The following SLAIN1 variants were observed in gnomAD, a reference collection of about 807,000 sequenced individuals.
SLAIN1 encodes the protein SLAIN motif-containing protein 1.
A neutral mutation model predicts 55.4 loss-of-function variants in SLAIN1; 17 were observed. That is an observed-to-expected ratio of 0.31 (90% CI 0.21 to 0.46). SLAIN1 has a LOEUF of 0.46. SLAIN1 is among the 20% of genes least tolerant of loss of function. The probability of loss-of-function intolerance (pLI) is 1.00; values close to 1 mark genes in which losing one functional copy is unlikely to be tolerated. For synonymous variants in SLAIN1, 348 were observed against 337.4 expected (o/e 1.03, Z -0.35); for missense variants, 682 against 785.1 (o/e 0.87, Z 1.57).
chr13:77,754,893 G>A (rs1874489475), intron 5 of SLAIN1, among the ~76,000 whole-genome samples: 1 of 152,164 alleles, frequency 6.6e-6, no homozygotes, highest in Admixed American at 6.5e-5. Context: ...ATGCTTGAAT[G>A]AATGCCACAG....
At position 77,744,615 on chromosome 13, in the gene SLAIN1, A is replaced by G. The variant is rs1009567601; in HGVS notation, c.916+183A>G. On this transcript the variant is annotated intron_variant, in intron 3 of 6. Transcript: ENST00000418532. ...ACACTATCATGAGGTGGTAGGACTT[A>G]GTCTGATGAAAACACATTGATACAT... 6 of 841,366 alleles carry G rather than the reference A, an allele frequency of 7.1e-6. No individual in the cohort carries two copies. The East Asian group carries it at 1.3e-4, about 19-fold the overall frequency. 52.1% of individuals were successfully genotyped at this position (841,366 alleles called of 1,614,324 possible).
At chr13:77,719,707 C>CT in intron 2 of SLAIN1, 36 bp downstream of exon 2, 1 of 1,603,578 alleles carries the variant, frequency 6.2e-7, no homozygotes, top group South Asian at 1.1e-5. Context: ...TTCTCCAACT[C>CT]TTGTCACTCT....
At chr13:77,750,460 A>T (rs1221513140) in intron 4 of SLAIN1, among the ~76,000 whole-genome samples, 1 of 152,118 alleles carries the variant, frequency 6.6e-6, no homozygotes, top group East Asian at 1.9e-4. Flanking sequence ...TTTTTACACC[A>T]GTTTTTGTAA....
intron 2 of SLAIN1, among the ~76,000 whole-genome samples, chr13:77,742,531 A>C (rs938228938): frequency 1.3e-5 from 2 of 151,984 alleles, no homozygotes; most frequent in African/African-American, 4.8e-5. Flanking sequence ...ATTTACATAA[A>C]ATGTTTTTTA....
chr13:77,704,204 A>ATG (rs2091067174), intron 1 of SLAIN1, among the ~76,000 whole-genome samples: 1 of 136,440 alleles, frequency 7.3e-6, no homozygotes, highest in Non-Finnish European at 1.6e-5. Context: ...TAGAAAATAT[A>ATG]TATACATATG....
intron 2 of SLAIN1, among the ~76,000 whole-genome samples, chr13:77,725,840 G>A (rs1039049760): frequency 2.0e-5 from 3 of 152,162 alleles, no homozygotes; most frequent in African/African-American, 7.2e-5. Context: ...TCCCCAGGAA[G>A]CCATCTGAGT....
chr13:77,711,945 T>A (rs116989664), intron 1 of SLAIN1, among the ~76,000 whole-genome samples: 2,286 of 152,162 alleles, frequency 0.015, 23 homozygotes, highest in Non-Finnish European at 0.023. Flanking sequence ...AACATAATCA[T>A]CACATAAACA....
intron 3 of SLAIN1, 114 bp from the exon 4 acceptor site, chr13:77,746,400 A>G (rs1873812695): frequency 1.2e-6 from 1 of 844,882 alleles, no homozygotes; most frequent in Non-Finnish European, 1.8e-6. Flanking sequence ...AGAACAAGAT[A>G]ATAAGTCTCT....
intron 5 of SLAIN1, among the ~76,000 whole-genome samples, chr13:77,758,378 T>A (rs771886443): frequency 5.9e-5 from 9 of 152,110 alleles, no homozygotes; most frequent in Non-Finnish European, 1.2e-4. Context: ...CTCTGAGTTA[T>A]CTGTTTACTC....
At chr13:77,753,846 C>T (rs560955384) in intron 5 of SLAIN1, among the ~76,000 whole-genome samples, 1 of 152,164 alleles carries the variant, frequency 6.6e-6, no homozygotes, top group African/African-American at 2.4e-5. Context: ...GTCTTTTTCC[C>T]CCTAAATGAA....
chr13:77,714,737 T>C (rs1288160770), intron 1 of SLAIN1, among the ~76,000 whole-genome samples: 1 of 152,228 alleles, frequency 6.6e-6, no homozygotes, highest in Non-Finnish European at 1.5e-5. Flanking sequence ...TGATAGACTT[T>C]AACATGTATA....
intron 2 of SLAIN1, 112 bp downstream of exon 2, chr13:77,719,783 A>G: frequency 8.4e-7 from 1 of 1,196,966 alleles, no homozygotes; most frequent in Non-Finnish European, 1.2e-6. Context: ...CCTGAGGTGC[A>G]GCTGTTGCAT....
At chr13:77,757,566 GTT>G (rs1874691662) in intron 5 of SLAIN1, among the ~76,000 whole-genome samples, 1 of 151,788 alleles carries the variant, frequency 6.6e-6, no homozygotes, top group African/African-American at 2.4e-5. Flanking sequence ...CCAATATGTA[GTT>G]TTTATCCCTC....
chr13:77,732,946 G>A (rs1872948685), intron 2 of SLAIN1, among the ~76,000 whole-genome samples: 1 of 152,110 alleles, frequency 6.6e-6, no homozygotes, highest in Non-Finnish European at 1.5e-5. Flanking sequence ...AGTCATGAGG[G>A]AAGAGCATTA....
chr13:77,707,253 C>G (rs984555740), intron 1 of SLAIN1, among the ~76,000 whole-genome samples: 7 of 151,934 alleles, frequency 4.6e-5, no homozygotes, highest in African/African-American at 1.7e-4. Flanking sequence ...ACTTCTTCAA[C>G]TTGATATTCC....
At chr13:77,737,726 C>T (rs1873194128) in intron 2 of SLAIN1, among the ~76,000 whole-genome samples, 1 of 152,064 alleles carries the variant, frequency 6.6e-6, no homozygotes, top group African/African-American at 2.4e-5. Flanking sequence ...TTTAGATTCC[C>T]CCAGAAAGTT....
intron 1 of SLAIN1, among the ~76,000 whole-genome samples, chr13:77,715,888 GTCTT>G (rs1339157084): frequency 6.6e-6 from 1 of 152,062 alleles, no homozygotes; most frequent in Non-Finnish European, 1.5e-5. Flanking sequence ...TTTTAGCAAT[GTCTT>G]TCAAAAAGAA....
At chr13:77,725,331 C>T (rs954306941) in intron 2 of SLAIN1, among the ~76,000 whole-genome samples, 15 of 152,188 alleles carry the variant, frequency 9.9e-5, no homozygotes, top group Admixed American at 2.6e-4. Context: ...ATACATCTCC[C>T]TCTGTATACA....
chr13:77,740,931 A>T (rs1656392767), intron 2 of SLAIN1, among the ~76,000 whole-genome samples: 1 of 151,918 alleles, frequency 6.6e-6, no homozygotes, highest in African/African-American at 2.4e-5. Context: ...CTTTACAATA[A>T]TTTTCCTCCC....
Sources: allele counts gnomAD v4.1 joint callset (sites outside exome capture counted in the v4.1 genomes callset), GRCh38; gene constraint gnomAD v4.1.1; transcripts MANE v1.5; gene names NCBI Gene and HGNC (gene_info 2026-07-23, HGNC 2026-07-21).